The following C2CD2 variants were observed in gnomAD, a reference collection of about 807,000 sequenced individuals.
C2CD2 encodes C2 domain-containing protein 2.
C2CD2 carries 43 observed loss-of-function variants against 74.3 expected under a neutral mutation model. That is an observed-to-expected ratio of 0.58 (90% CI 0.45 to 0.75). The LOEUF is 0.75. C2CD2 is among the 30% of genes least tolerant of loss of function. The pLI is 0.00. For synonymous variants in C2CD2, 422 were observed against 390.7 expected (o/e 1.08, Z -0.94); for missense variants, 801 against 916.3 (o/e 0.87, Z 1.63).
intron 11 of C2CD2, among the ~76,000 whole-genome samples, chr21:41,904,113 A>G (rs754788890): frequency 6.6e-6 from 1 of 152,196 alleles, no homozygotes; most frequent in Non-Finnish European, 1.5e-5. Flanking sequence ...AGGATGTGGT[A>G]AAGAAGCCGG....
chr21:41,951,805 C>T (rs2065452800), intron 1 of C2CD2, among the ~76,000 whole-genome samples: 1 of 152,146 alleles, frequency 6.6e-6, no homozygotes, highest in South Asian at 2.1e-4. Context: ...GAAGCCAATC[C>T]ATAGATGTCA....
chr21:41,911,318 T>C (rs1160063881), intron 7 of C2CD2, among the ~76,000 whole-genome samples: 5 of 152,230 alleles, frequency 3.3e-5, no homozygotes, highest in Admixed American at 6.5e-5. Flanking sequence ...TAGATTCTGT[T>C]TGATAATATT....
chr21:41,918,719 C>A, intron 4 of C2CD2, 137 bp downstream of exon 4: 2 of 685,086 alleles, frequency 2.9e-6, no homozygotes, highest in Admixed American at 2.6e-5. Context: ...GAGGCCCAAG[C>A]CAGCCCCAGG....
chr21:41,909,332 C>A, intron 8 of C2CD2, 127 bp downstream of exon 8: 2 of 611,024 alleles, frequency 3.3e-6, no homozygotes, highest in Admixed American at 2.6e-5. Context: ...CATGGGAAAA[C>A]CAAAGTCATT....
intron 3 of C2CD2, among the ~76,000 whole-genome samples, chr21:41,919,571 G>C (rs2065133218): frequency 6.6e-6 from 1 of 152,216 alleles, no homozygotes; most frequent in Non-Finnish European, 1.5e-5. Context: ...AAGGCATAAA[G>C]GAAAGAGGAG....
intron 1 of C2CD2, among the ~76,000 whole-genome samples, chr21:41,947,137 T>TCTCTCTCC (rs778013814): frequency 4.3e-4 from 11 of 25,684 alleles, no homozygotes; most frequent in South Asian, 1.4e-3. Context: ...TCTCTCTCTC[T>TCTCTCTCC]CTCCCTCCCT....
rs1034791472 is a variant in C2CD2 at position 41,899,627 on chromosome 21, C to T, written c.1561-265G>A. ...GCTCAGAGGTTAACCCTCTTCCTCT[C>T]ACAGATGGGCCTAGCGGTGGGAGCG... is the stretch of plus-strand genomic sequence containing the variant. On this transcript the variant is annotated intron_variant, in intron 12 of 13. Coordinates refer to ENST00000380486, the MANE Select transcript of C2CD2 (RefSeq NM_015500.2). This position sits in a 1 kb window ranked among gnomAD's most constrained non-coding sequence, Gnocchi z 4.4. Among the ~76,000 whole-genome samples the T allele has an allele frequency of 6.6e-6, 1 of 152,062 alleles. No individual in the cohort carries two copies. The highest frequency in any genetic ancestry group is 6.5e-5 in the Admixed American group (1 of 15,276).
rs1292311400 is a variant in C2CD2 at position 41,926,604 on chromosome 21, CT to C, written c.379-4520del. 1.0e-6 allele frequency: 1 copy of C among 983,364 alleles called. No homozygotes were observed. The highest frequency in any genetic ancestry group is 1.1e-4 in the East Asian group (1 of 8,806). 60.9% of individuals were successfully genotyped at this position (983,364 alleles called of 1,614,324 possible). On this transcript the variant is annotated intron_variant, in intron 2 of 13. Transcript: ENST00000380486. This position sits in a 1 kb window ranked among gnomAD's most constrained non-coding sequence, Gnocchi z 8.0. ...AACAGCGCTTATCTGGAAACTATTC[CT>C]TTGTTTAGACTTGGGGCCAAAAAAT...
intron 5 of C2CD2, among the ~76,000 whole-genome samples, chr21:41,916,339 A>G (rs2065090156): frequency 6.6e-6 from 1 of 152,168 alleles, no homozygotes; most frequent in Non-Finnish European, 1.5e-5. Context: ...GGCACACCCA[A>G]TGATGCAGAT....
intron 2 of C2CD2, among the ~76,000 whole-genome samples, chr21:41,922,321 C>T (rs113707888): frequency 0.015 from 2,254 of 151,898 alleles, 30 homozygotes; most frequent in Non-Finnish European, 0.023. Flanking sequence ...CCCACACCCA[C>T]CTAATTTTTG....
rs377467639 is a variant in C2CD2, at chr21:41,907,634, G to A, written c.1143+26C>T. 177 of 1,600,902 alleles carry A rather than the reference G, an allele frequency of 1.1e-4. 1 individual carries two copies. The Middle Eastern group carries it at 1.4e-3, about 12-fold the overall frequency. On this transcript the variant is annotated intron_variant, in intron 9 of 13. Coordinates refer to ENST00000380486, the MANE Select transcript of C2CD2 (RefSeq NM_015500.2). ...GGGTAAGTGCCCCAAGCCGGAACCC[G>A]GCCGCGGCGGACAGCCTCGCCCTAC...
At chr21:41,918,283 CA>C in intron 4 of C2CD2, 56 bp from the exon 5 acceptor site, 2 of 1,589,242 alleles carry the variant, frequency 1.3e-6, no homozygotes, top group Non-Finnish European at 1.7e-6. Context: ...TCCCTGCTCC[CA>C]ATCTCACGTC....
intron 6 of C2CD2, among the ~76,000 whole-genome samples, chr21:41,912,861 T>G (rs1397796612): frequency 6.6e-6 from 1 of 152,192 alleles, no homozygotes; most frequent in Non-Finnish European, 1.5e-5. Context: ...ATGACTAAGG[T>G]CGAGGTTTAC....
At chr21:41,940,674 A>G (rs1309934269) in intron 2 of C2CD2, among the ~76,000 whole-genome samples, 1 of 152,266 alleles carries the variant, frequency 6.6e-6, no homozygotes, top group African/African-American at 2.4e-5. Context: ...GGAGGATGGA[A>G]CTTCATTATA....
At chr21:41,893,294 G>T (rs2064778993) in intron 13 of C2CD2, among the ~76,000 whole-genome samples, 1 of 152,174 alleles carries the variant, frequency 6.6e-6, no homozygotes, top group African/African-American at 2.4e-5. Context: ...TTGAGCACAA[G>T]AATTCGAGAC....
In C2CD2 at chr21:41,924,063, G is replaced by C. The variant is rs192988238; in HGVS notation, c.379-1978C>G. Reference sequence around the variant, plus strand: ...CAAAAGAACCACTGACTCCACTGCAGGGAGTCACAGGACAGGAAGAGAAAA... The same window carrying C: ...CAAAAGAACCACTGACTCCACTGCACGGAGTCACAGGACAGGAAGAGAAAA... On this transcript the variant is annotated intron_variant, in intron 2 of 13. Coordinates refer to ENST00000380486, the MANE Select transcript of C2CD2 (RefSeq NM_015500.2). This position sits in a 1 kb window ranked among gnomAD's most constrained non-coding sequence, Gnocchi z 4.4. Among the ~76,000 whole-genome samples, 3 of 152,336 alleles carry C rather than the reference G, an allele frequency of 2.0e-5. No individual in the cohort carries two copies. In the East Asian group the frequency reaches 5.8e-4, roughly 29 times the overall value.
chr21:41,888,541 T>C lies in C2CD2; in HGVS notation c.*583A>G, dbSNP rs141018781. 474 of 157,008 alleles carry C rather than the reference T, an allele frequency of 3.0e-3. 2 individuals are homozygous for C. Among genetic ancestry groups the C allele is most frequent in the African/African-American group, 0.011 (442 of 41,594 alleles). 9.7% of individuals were successfully genotyped at this position (157,008 alleles called of 1,614,324 possible). A position where few individuals can be genotyped will look rare whatever the true frequency, so the allele number is the denominator to read the frequency against. On this transcript the variant is annotated 3_prime_UTR_variant, in exon 14 of 14. Coordinates refer to ENST00000380486, the MANE Select transcript of C2CD2 (RefSeq NM_015500.2). ...TATCAAAGGTAGATGACTTCCTACA[T>C]CTGTCGTAGCGTCTCCATTCTTATC...
intron 5 of C2CD2, among the ~76,000 whole-genome samples, chr21:41,915,064 C>T (rs1217364813): frequency 6.6e-6 from 1 of 152,170 alleles, no homozygotes; most frequent in African/African-American, 2.4e-5. Context: ...CTATCTGACC[C>T]GGGCAGGTGC....
Position 41,905,835 on chromosome 21 carries a change from A to G in C2CD2, c.1321T>C (p.Ser441Pro). 6.5e-7 allele frequency: 1 copy of G among 1,545,680 alleles called. No individual in the cohort carries two copies. Among genetic ancestry groups the G allele is most frequent in the Non-Finnish European group, 8.9e-7 (1 of 1,117,696 alleles). Residue 441 changes from serine (S) to proline (P), a missense_variant and splice_region_variant, in exon 11 of 14, where the codon TCT (serine) becomes CCT (proline). Coordinates refer to ENST00000380486, the MANE Select transcript of C2CD2 (RefSeq NM_015500.2). ...VGRASPLSSD[S>P]PVKTPIKVKV... ...ACCTTGATGGGAGTCTTCACCGGAG[A>G]ATCTGCCAGAGGAAGATCCTGATTA...
Sources: gnomAD v4.1 joint callset for allele counts (sites outside exome capture counted in the v4.1 genomes callset) on GRCh38, gnomAD v4.1.1 for gene constraint, Gnocchi (gnomAD v3.1) non-coding constraint, MANE v1.5 for transcripts, NCBI Gene and HGNC (gene_info 2026-07-23, HGNC 2026-07-21) for gene names.